The following TWIST2 variants were observed in gnomAD, a reference collection of about 807,000 sequenced individuals.
TWIST2 encodes the protein twist-related protein 2.
Under a neutral mutation model 11.6 loss-of-function variants are expected in TWIST2, and 1 was observed. That is an observed-to-expected ratio of 0.09 (90% CI 0.03 to 0.41). The LOEUF is 0.41. Ranked by LOEUF, TWIST2 falls within the 10% of genes least tolerant of loss-of-function variation. TWIST2 has a pLI of 0.98. For missense variants in TWIST2, 168 were observed against 226.4 expected (o/e 0.74, Z 1.66); for synonymous variants, 87 against 96.6 (o/e 0.90, Z 0.58).
At chr2:238,895,620 G>C (rs931522158) in intron 1 of TWIST2, among the ~76,000 whole-genome samples, 6 of 152,322 alleles carry the variant, frequency 3.9e-5, no homozygotes, top group Non-Finnish European at 8.8e-5. Flanking sequence ...AAAGTTGGGA[G>C]CGGTCCCTTT....
In TWIST2 at chr2:238,898,108, T is replaced by C. The variant is rs886179296; in HGVS notation, c.*36-11734T>C. On this transcript the variant is annotated intron_variant, in intron 1 of 1. Coordinates refer to ENST00000612363, the MANE Select transcript of TWIST2 (RefSeq NM_001271893.4). ...CTGTGTTAGGACCCTTCAGAGGAAC[T>C]GCAGCTGGCGAACGCGGTCTCAGGG... Among the ~76,000 whole-genome samples, 450 of 152,318 alleles carry C rather than the reference T, an allele frequency of 3.0e-3. 4 individuals are homozygous for C. Among genetic ancestry groups the C allele is most frequent in the African/African-American group, 0.011 (438 of 41,584 alleles).
Position 238,848,378 on chromosome 2 carries a change from A to C in TWIST2, c.163A>C (p.Ser55Arg). The C allele has an allele frequency of 6.5e-7, 1 of 1,535,076 alleles. No individual in the cohort carries two copies. ...CCCGGGCAAGCGCGGCAAGAAGGGC[A>C]GCCCCAGCGCGCAGTCCTTCGAGGA... ...PTPGKRGKKG[S>R]PSAQSFEELQ... Residue 55 changes from serine (S) to arginine (R), a missense_variant, in exon 1 of 2, where the codon AGC becomes CGC. Ser to Arg is a moderately radical substitution (Grantham distance 110). Around this residue, in one of 3 missense-constraint regions of TWIST2, gnomAD observed 83 missense variants for 92.7 expected, o/e 0.90. Transcript: ENST00000612363.
At chr2:238,861,542 G>C (rs1574749181) in intron 1 of TWIST2, among the ~76,000 whole-genome samples, 1 of 152,068 alleles carries the variant, frequency 6.6e-6, no homozygotes, top group East Asian at 1.9e-4. Context: ...GCCCGGTGGG[G>C]GTAGTGTTCC....
chr2:238,882,452 T>A (rs1177297313), intron 1 of TWIST2, among the ~76,000 whole-genome samples: 1 of 152,252 alleles, frequency 6.6e-6, no homozygotes, highest in Non-Finnish European at 1.5e-5. Context: ...CCTTGTGTCC[T>A]GTGCTGTGCC....
At chr2:238,881,218 TGTTA>T (rs1490719375) in intron 1 of TWIST2, among the ~76,000 whole-genome samples, 1 of 129,752 alleles carries the variant, frequency 7.7e-6, no homozygotes, top group Non-Finnish European at 1.6e-5. Context: ...TTAGTCTTAG[TGTTA>T]GTGTCAGTAT....
chr2:238,875,553 T>C (rs1214592394), intron 1 of TWIST2, among the ~76,000 whole-genome samples: 1 of 152,198 alleles, frequency 6.6e-6, no homozygotes, highest in African/African-American at 2.4e-5. Flanking sequence ...GTTTGCTTTG[T>C]TGGGAAGCTA....
intron 1 of TWIST2, among the ~76,000 whole-genome samples, chr2:238,893,896 C>T (rs1244875059): frequency 6.6e-6 from 1 of 152,154 alleles, no homozygotes; most frequent in African/African-American, 2.4e-5. Flanking sequence ...CGTCCTCCTG[C>T]TAGCAGGGGG....
chr2:238,860,486 G>T (rs993887958), intron 1 of TWIST2, among the ~76,000 whole-genome samples: 1 of 152,184 alleles, frequency 6.6e-6, no homozygotes, highest in Non-Finnish European at 1.5e-5. Flanking sequence ...CACCTTTGTG[G>T]CATTATTCAG....
chr2:238,881,395 TTATTAG>T (rs1331997424), intron 1 of TWIST2, among the ~76,000 whole-genome samples: 1 of 151,254 alleles, frequency 6.6e-6, no homozygotes, highest in Non-Finnish European at 1.5e-5. Flanking sequence ...TAGTTACTAT[TTATTAG>T]TGTCAGTGTC....
chr2:238,858,227 C>T (rs890773985), intron 1 of TWIST2, among the ~76,000 whole-genome samples: 1 of 152,184 alleles, frequency 6.6e-6, no homozygotes, highest in African/African-American at 2.4e-5. Context: ...GGGCTTTCTC[C>T]TACTTGGTTC....
chr2:238,896,952 G>C (rs948935767), intron 1 of TWIST2, among the ~76,000 whole-genome samples: 1 of 152,094 alleles, frequency 6.6e-6, no homozygotes, highest in Admixed American at 6.5e-5. Flanking sequence ...GCACACCCCA[G>C]GGGGAGGGAG....
chr2:238,859,089 AT>A (rs1409260334), intron 1 of TWIST2, among the ~76,000 whole-genome samples: 2 of 151,758 alleles, frequency 1.3e-5, no homozygotes, highest in Non-Finnish European at 2.9e-5. Flanking sequence ...GCGGGCGCTT[AT>A]AGTTCCAGCT....
At position 238,864,951 on chromosome 2, in the gene TWIST2, C is replaced by T. The variant is rs1027363606; in HGVS notation, c.*35+16218C>T. Among the ~76,000 whole-genome samples the T allele has an allele frequency of 1.9e-4, 29 of 152,114 alleles. No homozygotes were observed. Among genetic ancestry groups the T allele is most frequent in the African/African-American group, 6.3e-4 (26 of 41,444 alleles). ...GAGGACCTGGAGGATGCATCTACTG[C>T]CAGGCTCGGTGGGCCTGGCCACCCG... On this transcript the variant is annotated intron_variant, in intron 1 of 1. Transcript: ENST00000612363. The surrounding 1 kb of genome is among the most constrained non-coding windows in gnomAD (Gnocchi z 4.7).
intron 1 of TWIST2, among the ~76,000 whole-genome samples, chr2:238,855,298 A>G (rs1481777172): frequency 6.6e-6 from 1 of 151,704 alleles, no homozygotes; most frequent in Non-Finnish European, 1.5e-5. Flanking sequence ...AGGAGAAGGC[A>G]TACTCCTCTT....
intron 1 of TWIST2, among the ~76,000 whole-genome samples, chr2:238,869,714 C>T (rs549355276): frequency 1.5e-4 from 23 of 152,260 alleles, no homozygotes; most frequent in Middle Eastern, 3.4e-3. Flanking sequence ...GAGGCTGAGG[C>T]GGGAGGATTG....
At chr2:238,893,180 G>A (rs1693166757) in intron 1 of TWIST2, among the ~76,000 whole-genome samples, 1 of 152,116 alleles carries the variant, frequency 6.6e-6, no homozygotes, top group African/African-American at 2.4e-5. Flanking sequence ...GCATTCTTCT[G>A]AATATAGGTG....
At chr2:238,869,648 G>GT (rs1692610695) in intron 1 of TWIST2, among the ~76,000 whole-genome samples, 1 of 152,200 alleles carries the variant, frequency 6.6e-6, no homozygotes, top group Non-Finnish European at 1.5e-5. Context: ...CCAGAAAGAG[G>GT]TACCAGCTCA....
chr2:238,905,967 G>A (rs1693346899), intron 1 of TWIST2, among the ~76,000 whole-genome samples: 1 of 139,018 alleles, frequency 7.2e-6, no homozygotes, highest in East Asian at 2.0e-4. Flanking sequence ...ACGTGTGCGT[G>A]TGTGTGCGCG....
At chr2:238,891,137 A>G (rs1357116285) in intron 1 of TWIST2, among the ~76,000 whole-genome samples, 1 of 152,232 alleles carries the variant, frequency 6.6e-6, no homozygotes, top group Non-Finnish European at 1.5e-5. Context: ...TCAAAAATGA[A>G]ATGTCAGGAA....
Sources: allele counts gnomAD v4.1 joint callset (sites outside exome capture counted in the v4.1 genomes callset), GRCh38; gene constraint gnomAD v4.1.1; regional missense constraint gnomAD v4.1.1; non-coding constraint Gnocchi (gnomAD v3.1); transcripts MANE v1.5; gene names NCBI Gene and HGNC (gene_info 2026-07-23, HGNC 2026-07-21).